The following RPS6KC1 variants were observed in gnomAD, a reference collection of about 807,000 sequenced individuals.
The protein encoded by RPS6KC1 is inactive ribosomal protein S6 kinase delta-1.
A neutral mutation model predicts 103.8 loss-of-function variants in RPS6KC1; 54 were observed. That is an observed-to-expected ratio of 0.52 (90% confidence interval 0.42 to 0.65). RPS6KC1 has a LOEUF of 0.65. Among genes scored for constraint, RPS6KC1 ranks in the 30% least tolerant of loss-of-function variants. RPS6KC1 has a pLI of 0.00. For missense variants in RPS6KC1, 1,151 were observed against 1,253.8 expected, an observed-to-expected ratio of 0.92 and a Z score of 1.24; for synonymous variants, 439 against 438.7, an observed-to-expected ratio of 1.00 and a Z score of -0.01.
chr1:213,329,369 G>A, the RPS6KC1 span, among the ~76,000 whole-genome samples: 1 of 152,104 alleles, frequency 6.6e-6, no homozygotes, highest in South Asian at 2.1e-4. Context: ...TCCATGTGGA[G>A]CTGGCAGGGA....
At chr1:213,585,358 G>A in the RPS6KC1 span, among the ~76,000 whole-genome samples, 1 of 152,092 alleles carries the variant, frequency 6.6e-6, no homozygotes. Flanking sequence ...CTCCCCCTGA[G>A]AAAGGACTGC....
the RPS6KC1 span, among the ~76,000 whole-genome samples, chr1:213,564,226 T>G: frequency 6.6e-6 from 1 of 152,210 alleles, no homozygotes; most frequent in African/African-American, 2.4e-5. Context: ...GGTATAAAAT[T>G]CTGGGTACAC....
chr1:213,237,931 A>G (rs2094260951), intron 10 of RPS6KC1, among the ~76,000 whole-genome samples: 1 of 152,078 alleles, frequency 6.6e-6, no homozygotes, highest in Non-Finnish European at 1.5e-5. Context: ...ACGGCCCCCA[A>G]AATGACATTA....
the RPS6KC1 span, among the ~76,000 whole-genome samples, chr1:213,546,121 TA>T: frequency 6.6e-6 from 1 of 152,234 alleles, no homozygotes; most frequent in Non-Finnish European, 1.5e-5. Context: ...GCACATGAAC[TA>T]AAGAGCAATA....
the RPS6KC1 span, among the ~76,000 whole-genome samples, chr1:213,355,970 A>G: frequency 6.6e-6 from 1 of 152,218 alleles, no homozygotes. Context: ...TAAGGTTGTT[A>G]TGAGGATTAA....
the RPS6KC1 span, among the ~76,000 whole-genome samples, chr1:213,851,107 A>G: frequency 2.0e-5 from 3 of 152,054 alleles, no homozygotes; most frequent in African/African-American, 7.2e-5. Flanking sequence ...CTTTCAGCAA[A>G]TGAAACTTGC....
intron 3 of RPS6KC1, among the ~76,000 whole-genome samples, chr1:213,081,457 A>G (rs1236399071): frequency 1.3e-5 from 2 of 152,054 alleles, no homozygotes; most frequent in Admixed American, 6.5e-5. Context: ...TGATCCAAAC[A>G]CCTCACACCA....
At chr1:213,461,613 A>G in the RPS6KC1 span, among the ~76,000 whole-genome samples, 2 of 152,216 alleles carry the variant, frequency 1.3e-5, no homozygotes, top group Non-Finnish European at 2.9e-5. Context: ...CAGAGGCCTC[A>G]GAAATAATAC....
the RPS6KC1 span, among the ~76,000 whole-genome samples, chr1:213,858,434 G>A: frequency 1.6e-4 from 24 of 152,192 alleles, no homozygotes; most frequent in Non-Finnish European, 2.9e-4. Context: ...TTGGGGGGGC[G>A]GTGGTTCTGA....
chr1:213,541,837 CTT>C, the RPS6KC1 span, among the ~76,000 whole-genome samples: 1 of 152,142 alleles, frequency 6.6e-6, no homozygotes, highest in South Asian at 2.1e-4. Flanking sequence ...CTGGGCAAAA[CTT>C]TACTGGAAAG....
At chr1:213,517,206 C>T in the RPS6KC1 span, among the ~76,000 whole-genome samples, 27 of 148,930 alleles carry the variant, frequency 1.8e-4, no homozygotes, top group Non-Finnish European at 3.3e-4. Context: ...TTTTTTGAAG[C>T]ATTTTTTGTG....
At chr1:213,252,260 TAGGAACAC>T (rs2094559036) in intron 12 of RPS6KC1, among the ~76,000 whole-genome samples, 1 of 152,216 alleles carries the variant, frequency 6.6e-6, no homozygotes, top group African/African-American at 2.4e-5. Flanking sequence ...ATTGTCTGTG[TAGGAACAC>T]AGTACTAATG....
the RPS6KC1 span, among the ~76,000 whole-genome samples, chr1:213,676,414 T>C: frequency 6.6e-6 from 1 of 152,152 alleles, no homozygotes; most frequent in Non-Finnish European, 1.5e-5. Context: ...ACAGCAAGCT[T>C]TGTCTGAGGA....
intron 7 of RPS6KC1, among the ~76,000 whole-genome samples, chr1:213,174,679 A>G (rs1020914195): frequency 1.7e-4 from 25 of 149,458 alleles, no homozygotes; most frequent in African/African-American, 6.4e-4. Context: ...TCAAAAAAAA[A>G]AAAAAAAAAA....
In RPS6KC1 at chr1:213,071,032, T is replaced by A. The variant is rs2078820586; in HGVS notation, c.132T>A (p.Asp44Glu). Residue 44 changes from aspartate to glutamate, a missense_variant, in exon 2 of 15, where the codon GAT (aspartate) becomes GAA (glutamate). Physicochemically the swap from Asp to Glu is conservative, Grantham distance 45. Around this residue, in one of 3 missense-constraint regions of RPS6KC1, gnomAD observed 959 missense variants for 1,006.3 expected, o/e 0.95. Transcript: ENST00000366960. ...ARVVSRRNPE[D>E]VQEIIVWKRY... ...TTGTTTCACGAAGAAATCCAGAGGA[T>A]GTCCAGGAGGTAACATTTATATGAA... 1 of 1,544,164 alleles carries A rather than the reference T, an allele frequency of 6.5e-7. No individual in the cohort carries two copies. Among genetic ancestry groups the A allele is most frequent in the Non-Finnish European group, 8.8e-7 (1 of 1,134,598 alleles).
the RPS6KC1 span, among the ~76,000 whole-genome samples, chr1:213,506,966 T>C: frequency 1.3e-5 from 2 of 152,246 alleles, no homozygotes; most frequent in Admixed American, 1.3e-4. Context: ...TACTTTATGT[T>C]CATTAAGCAA....
chr1:213,477,153 G>A, the RPS6KC1 span, among the ~76,000 whole-genome samples: 1 of 152,076 alleles, frequency 6.6e-6, no homozygotes, highest in African/African-American at 2.4e-5. Context: ...TCCTAATGTG[G>A]TCTAATGTAG....
the RPS6KC1 span, among the ~76,000 whole-genome samples, chr1:213,685,108 T>C: frequency 6.6e-6 from 1 of 152,178 alleles, no homozygotes; most frequent in Non-Finnish European, 1.5e-5. Flanking sequence ...CCTGTTGCCC[T>C]GGATGAAAAT....
At chr1:213,081,591 A>G (rs1295164301) in intron 3 of RPS6KC1, among the ~76,000 whole-genome samples, 1 of 151,926 alleles carries the variant, frequency 6.6e-6, no homozygotes, top group East Asian at 1.9e-4. Flanking sequence ...CCAATAACAA[A>G]AGTGATGGTA....
Sources: allele counts gnomAD v4.1 joint callset (sites outside exome capture counted in the v4.1 genomes callset), GRCh38; gene constraint gnomAD v4.1.1; regional missense constraint gnomAD v4.1.1; transcripts MANE v1.5; gene names NCBI Gene and HGNC (gene_info 2026-07-23, HGNC 2026-07-21).